The following MDGA2 variants were observed in gnomAD, a reference collection of about 807,000 sequenced individuals.
MDGA2 encodes the protein MAM domain containing glycosylphosphatidylinositol anchor 2, also known as MAM domain-containing glycosylphosphatidylinositol anchor protein 2.
MDGA2 carries 40 observed loss-of-function variants against 117.8 expected under a neutral mutation model. The observed-to-expected ratio is 0.34, with a 90% confidence interval of 0.26 to 0.44. The LOEUF (loss-of-function observed/expected upper bound fraction) is 0.44, where lower values mean the gene tolerates loss of function less well. Among genes scored for constraint, MDGA2 ranks in the 20% least tolerant of loss-of-function variants. The probability of loss-of-function intolerance (pLI) is 1.00; values close to 1 mark genes in which losing one functional copy is unlikely to be tolerated. For synonymous variants in MDGA2, 452 were observed against 439.0 expected, an observed-to-expected ratio of 1.03 and a Z score of -0.37; for missense variants, 1,123 against 1,250.6, an observed-to-expected ratio of 0.90 and a Z score of 1.54.
At chr14:47,148,715 G>T (rs569093877) in intron 3 of MDGA2, among the ~76,000 whole-genome samples, 1 of 152,258 alleles carries the variant, frequency 6.6e-6, no homozygotes, top group South Asian at 2.1e-4. Flanking sequence ...CATTTGCTAT[G>T]GTGTTTCGGG....
At chr14:47,466,214 G>A (rs1341933251) in intron 1 of MDGA2, among the ~76,000 whole-genome samples, 2 of 151,916 alleles carry the variant, frequency 1.3e-5, no homozygotes, top group African/African-American at 4.8e-5. Context: ...TATAACTATG[G>A]GGTACTGGGC....
intron 10 of MDGA2, among the ~76,000 whole-genome samples, chr14:46,897,348 G>T (rs1347054513): frequency 2.6e-5 from 4 of 152,032 alleles, no homozygotes; most frequent in African/African-American, 9.6e-5. Context: ...ATTTCTTAAC[G>T]CATTGCTTTA....
At chr14:46,958,840 T>C (rs1885667975) in intron 8 of MDGA2, among the ~76,000 whole-genome samples, 1 of 152,210 alleles carries the variant, frequency 6.6e-6, no homozygotes, top group Non-Finnish European at 1.5e-5. Flanking sequence ...TCCTCTGAAT[T>C]TGTTAACACT....
At chr14:47,561,143 T>G (rs1566515788) in intron 1 of MDGA2, among the ~76,000 whole-genome samples, 2 of 86,832 alleles carry the variant, frequency 2.3e-5, no homozygotes, top group Non-Finnish European at 4.9e-5. Context: ...CTATCTTTGT[T>G]TTTTTTTTTG....
chr14:47,283,252 C>T (rs945110803), intron 2 of MDGA2, among the ~76,000 whole-genome samples: 11 of 152,018 alleles, frequency 7.2e-5, no homozygotes, highest in African/African-American at 2.7e-4. Flanking sequence ...CAAAAGTTCA[C>T]AAAGAATGAA....
chr14:47,312,971 A>T (rs1409678949), intron 1 of MDGA2, among the ~76,000 whole-genome samples: 1 of 150,196 alleles, frequency 6.7e-6, no homozygotes, highest in African/African-American at 2.4e-5. Flanking sequence ...CAAACTGCTA[A>T]TTAATATTTC....
intron 8 of MDGA2, among the ~76,000 whole-genome samples, chr14:46,998,295 A>C (rs997406198): frequency 5.3e-5 from 8 of 152,078 alleles, no homozygotes; most frequent in Admixed American, 5.2e-4. Flanking sequence ...ACAGATGAAA[A>C]GAAAAAATAA....
chr14:47,397,802 A>C (rs1019201382), intron 1 of MDGA2, among the ~76,000 whole-genome samples: 5 of 152,166 alleles, frequency 3.3e-5, no homozygotes, highest in African/African-American at 1.2e-4. Context: ...GGATACAAGG[A>C]GGTAACCTTA....
At chr14:47,485,550 T>C (rs1421552278) in intron 1 of MDGA2, among the ~76,000 whole-genome samples, 1 of 152,150 alleles carries the variant, frequency 6.6e-6, no homozygotes, top group African/African-American at 2.4e-5. Flanking sequence ...AGGAGCCAAA[T>C]GTTAATCCCC....
intron 1 of MDGA2, among the ~76,000 whole-genome samples, chr14:47,486,068 C>T (rs575785712): frequency 3.3e-5 from 5 of 152,260 alleles, no homozygotes; most frequent in East Asian, 1.9e-4. Flanking sequence ...GGTAGATCCA[C>T]GGACAGCCTG....
chr14:47,441,175 C>A (rs184716263), intron 1 of MDGA2, among the ~76,000 whole-genome samples: 1 of 152,150 alleles, frequency 6.6e-6, no homozygotes, highest in African/African-American at 2.4e-5. Context: ...TGATGAGATC[C>A]TTTAATAGGC....
At chr14:47,149,197 G>A (rs1251207761) in intron 3 of MDGA2, among the ~76,000 whole-genome samples, 4 of 152,112 alleles carry the variant, frequency 2.6e-5, no homozygotes, top group Non-Finnish European at 5.9e-5. Flanking sequence ...CGCTGAGGCA[G>A]GAGAATTGCT....
intron 9 of MDGA2, among the ~76,000 whole-genome samples, chr14:46,930,341 A>G (rs1884520560): frequency 1.3e-5 from 2 of 152,154 alleles, no homozygotes; most frequent in African/African-American, 4.8e-5. Flanking sequence ...TGTCATCAGC[A>G]TATTTTTTTT....
At chr14:47,617,152 T>A (rs1896961193) in intron 1 of MDGA2, among the ~76,000 whole-genome samples, 1 of 152,150 alleles carries the variant, frequency 6.6e-6, no homozygotes, top group African/African-American at 2.4e-5. Context: ...GAGTAGAATA[T>A]TCTGGTAAAC....
chr14:47,584,386 T>C (rs959636758), intron 1 of MDGA2, among the ~76,000 whole-genome samples: 3 of 152,002 alleles, frequency 2.0e-5, no homozygotes, highest in African/African-American at 7.2e-5. Context: ...ATGATGGTTG[T>C]TCAATCAATA....
chr14:46,895,492 G>A (rs551574799), intron 10 of MDGA2, among the ~76,000 whole-genome samples: 4 of 152,148 alleles, frequency 2.6e-5, no homozygotes, highest in South Asian at 2.1e-4. Flanking sequence ...TTGGGAGGCC[G>A]AGGCGGGTGG....
chr14:47,516,144 T>A (rs1293039501), intron 1 of MDGA2, among the ~76,000 whole-genome samples: 1 of 152,170 alleles, frequency 6.6e-6, no homozygotes, highest in East Asian at 1.9e-4. Flanking sequence ...AGGTGATGCT[T>A]ATGTCCCCTG....
At chr14:47,647,202 C>A (rs1232053582) in intron 1 of MDGA2, among the ~76,000 whole-genome samples, 1 of 152,128 alleles carries the variant, frequency 6.6e-6, no homozygotes, top group East Asian at 1.9e-4. Context: ...ATTATTCAAG[C>A]ATATTTTAGG....
At chr14:46,933,894 AT>A (rs1451594772) in intron 9 of MDGA2, among the ~76,000 whole-genome samples, 1 of 146,400 alleles carries the variant, frequency 6.8e-6, no homozygotes, top group Non-Finnish European at 1.5e-5. Flanking sequence ...CATTTAACAG[AT>A]AAATACTGTT....
Sources: allele counts gnomAD v4.1 joint callset (sites outside exome capture counted in the v4.1 genomes callset), GRCh38; gene constraint gnomAD v4.1.1; transcripts MANE v1.5; gene names NCBI Gene and HGNC (gene_info 2026-07-23, HGNC 2026-07-21).